The following CCPG1 variants were observed in gnomAD, a reference collection of about 807,000 sequenced individuals.
The protein encoded by CCPG1 is cell cycle progression 1, also known as cell cycle progression protein 1.
In CCPG1, 46 loss-of-function variants were observed where a neutral mutation model predicts 81.3. That is an observed-to-expected ratio of 0.57 (90% CI 0.45 to 0.72). The LOEUF (loss-of-function observed/expected upper bound fraction) is 0.72, where lower values mean the gene tolerates loss of function less well. Among genes scored for constraint, CCPG1 ranks in the 30% least tolerant of loss-of-function variants. The probability of loss-of-function intolerance (pLI) is 0.00; values close to 1 mark genes in which losing one functional copy is unlikely to be tolerated. For missense variants in CCPG1, 902 were observed against 937.6 expected, an observed-to-expected ratio of 0.96 and a Z score of 0.50; for synonymous variants, 330 against 305.2, an observed-to-expected ratio of 1.08 and a Z score of -0.85.
In CCPG1 at chr15:55,365,417, T is replaced by G. The variant is rs1385991505; in HGVS notation, c.707-108A>C. 3 of 655,478 alleles carry G rather than the reference T, an allele frequency of 4.6e-6. No homozygotes were observed. The East Asian group carries it at 9.6e-5, about 21-fold the overall frequency. 40.6% of individuals were successfully genotyped at this position (655,478 alleles called of 1,614,324 possible). A position where few individuals can be genotyped will look rare whatever the true frequency, so the allele number is the denominator to read the frequency against. ...GCATATAAGCTATGTAGTCTTTTTT[T>G]TGTTTTTTTTTTTTGTTTTTTTTTT... On this transcript the variant is annotated intron_variant, in intron 6 of 8. Coordinates refer to ENST00000442196, the MANE Select transcript of CCPG1 (RefSeq NM_001204450.2).
At chr15:55,383,650 C>T (rs117328645) in intron 3 of CCPG1, among the ~76,000 whole-genome samples, 72 of 152,358 alleles carry the variant, frequency 4.7e-4, no homozygotes, top group Non-Finnish European at 9.3e-4. Context: ...TAACTTGGTG[C>T]GCCTTCTACA....
Position 55,365,245 on chromosome 15 carries a change from A to G in CCPG1, c.771T>C (p.Asp257=), listed in dbSNP as rs2056297438. The G allele has an allele frequency of 6.6e-7, 1 of 1,521,914 alleles. No individual in the cohort carries two copies. Among genetic ancestry groups the G allele is most frequent in the Admixed American group, 1.7e-5 (1 of 57,304 alleles). The allele number at this position is 1,521,914 out of a possible 1,614,324, so 94.3% of individuals were successfully genotyped here. Residue 257 remains aspartate, a synonymous_variant, in exon 7 of 9, where the codon GAT becomes GAC. Transcript: ENST00000442196. The stretch of plus-strand genomic sequence containing the variant: ...GACACTGGGAAAGATAATCCTTCAT[A>G]TCATTCAATTCATCTTCATGTATCT... The part of the protein sequence containing the change: ...VRKIHEDELN[D]MKDYLSQCQQ...
At chr15:55,391,435 C>T (rs1009142507) in intron 1 of CCPG1, among the ~76,000 whole-genome samples, 1 of 152,112 alleles carries the variant, frequency 6.6e-6, no homozygotes, top group Non-Finnish European at 1.5e-5. Flanking sequence ...TATATAAATC[C>T]CAATTTCTCA....
chr15:55,389,217 CA>C (rs1213370462), intron 2 of CCPG1, 147 bp downstream of exon 2: 5 of 615,488 alleles, frequency 8.1e-6, no homozygotes, highest in Non-Finnish European at 1.5e-5. Context: ...GAAGCGTTTT[CA>C]GCAGTGAAGT....
chr15:55,380,844 C>T (rs1001818750), intron 3 of CCPG1, among the ~76,000 whole-genome samples: 4 of 122,134 alleles, frequency 3.3e-5, no homozygotes, highest in African/African-American at 1.3e-4. Flanking sequence ...GAAATCCCGT[C>T]GCTATTAAAA....
intron 1 of CCPG1, chr15:55,398,253 A>G (rs1310531390): frequency 6.6e-6 from 1 of 152,172 alleles, no homozygotes; most frequent in East Asian, 1.9e-4. Context: ...ATTCCTGGGT[A>G]GCTACATTTT....
At chr15:55,372,801 C>A in intron 5 of CCPG1, 1 of 355,926 alleles carries the variant, frequency 2.8e-6, no homozygotes, top group South Asian at 2.3e-5. Context: ...AGTACACAAG[C>A]ATTTCCTGTG....
intron 8 of CCPG1, chr15:55,359,285 C>CT: frequency 8.6e-7 from 1 of 1,164,098 alleles, no homozygotes; most frequent in Non-Finnish European, 1.1e-6. Context: ...TTTATATATT[C>CT]TTAACTGATT....
At chr15:55,399,990 G>A (rs1040641224) in intron 1 of CCPG1, 1 of 151,642 alleles carries the variant, frequency 6.6e-6, no homozygotes, top group Non-Finnish European at 1.5e-5. Context: ...AGCACTTTGG[G>A]AGGATCACTT....
chr15:55,403,845 G>T (rs1045529947), intron 1 of CCPG1, among the ~76,000 whole-genome samples: 3 of 152,092 alleles, frequency 2.0e-5, no homozygotes, highest in African/African-American at 7.2e-5. Context: ...TGCATTTTTT[G>T]TTTAAAGTAC....
chr15:55,381,400 C>A lies in CCPG1; in HGVS notation c.176-3024G>T, dbSNP rs1053545952. Among the ~76,000 whole-genome samples the A allele has an allele frequency of 3.3e-5, 5 of 152,142 alleles. No homozygotes were observed. The East Asian group carries it at 9.6e-4, about 29-fold the overall frequency. Reference sequence around the variant, plus strand: ...GTGAGCTGAGATCATTGCGCCACTGCACTCCAGCCTGGGCAACAGTGCGAG... The same window carrying A: ...GTGAGCTGAGATCATTGCGCCACTGAACTCCAGCCTGGGCAACAGTGCGAG... On this transcript the variant is annotated intron_variant, in intron 3 of 8. Transcript: ENST00000442196.
chr15:55,357,401 A>G, intron 8 of CCPG1: 1 of 985,394 alleles, frequency 1.0e-6, no homozygotes, highest in Non-Finnish European at 1.2e-6. Context: ...TATATTGACC[A>G]CCTTCTAGCT....
At chr15:55,374,539 G>C (rs1047510010) in intron 5 of CCPG1, among the ~76,000 whole-genome samples, 9 of 152,014 alleles carry the variant, frequency 5.9e-5, no homozygotes, top group Non-Finnish European at 1.2e-4. Flanking sequence ...AATTGAAGTT[G>C]AAATCCTTAA....
chr15:55,362,088 G>A (rs1443070685), intron 7 of CCPG1, among the ~76,000 whole-genome samples: 1 of 152,134 alleles, frequency 6.6e-6, no homozygotes, highest in African/African-American at 2.4e-5. Flanking sequence ...GCTTCAATAA[G>A]GGTATCCTTG....
At position 55,359,923 on chromosome 15, in the gene CCPG1, T is replaced by A; in HGVS notation, c.1850A>T (p.Asp617Val). Residue 617 changes from aspartate (D) to valine (V), a missense_variant, in exon 8 of 9, where the codon GAT (aspartate) becomes GTT (valine). Coordinates refer to ENST00000442196, the MANE Select transcript of CCPG1 (RefSeq NM_001204450.2). The stretch of plus-strand genomic sequence containing the variant: ...GAAAGAATGAGAATTTTCTCTACAA[T>A]CATGCCCAGGACTGCATTTCTTTGA... ...TNSKKCSPGH[D>V]CRENSHSFRK... is the part of the protein sequence containing the mutation. The A allele has an allele frequency of 6.2e-7, 1 of 1,613,758 alleles. No homozygotes were observed. Among genetic ancestry groups the A allele is most frequent in the South Asian group, 1.1e-5 (1 of 91,076 alleles).
intron 4 of CCPG1, among the ~76,000 whole-genome samples, 153 bp from the exon 5 acceptor site, chr15:55,377,303 C>A (rs1337778855): frequency 6.6e-6 from 1 of 152,156 alleles, no homozygotes; most frequent in African/African-American, 2.4e-5. Context: ...CAATAGCAGG[C>A]TCATCATATA....
At chr15:55,381,006 G>A (rs1312567567) in intron 3 of CCPG1, among the ~76,000 whole-genome samples, 1 of 151,938 alleles carries the variant, frequency 6.6e-6, no homozygotes, top group Admixed American at 6.6e-5. Context: ...GCGTGGTGGT[G>A]GGCACCTGTA....
At chr15:55,375,255 C>T (rs769449636) in intron 5 of CCPG1, among the ~76,000 whole-genome samples, 7 of 151,498 alleles carry the variant, frequency 4.6e-5, no homozygotes, top group Non-Finnish European at 1.0e-4. Flanking sequence ...AGGCGTGAGC[C>T]ACCACGCCCA....
At chr15:55,399,602 A>G (rs1056755205) in intron 1 of CCPG1, among the ~76,000 whole-genome samples, 12 of 152,028 alleles carry the variant, frequency 7.9e-5, no homozygotes, top group Admixed American at 5.2e-4. Flanking sequence ...AATTGAATTC[A>G]CATCTAAAAT....
Sources: gnomAD v4.1 joint callset for allele counts (sites outside exome capture counted in the v4.1 genomes callset) on GRCh38, gnomAD v4.1.1 for gene constraint, MANE v1.5 for transcripts, NCBI Gene and HGNC (gene_info 2026-07-23, HGNC 2026-07-21) for gene names.